The following EPS15 variants were observed in gnomAD, a reference collection of about 807,000 sequenced individuals.
The protein encoded by EPS15 is epidermal growth factor receptor substrate 15.
In EPS15, 72 loss-of-function variants were observed where a neutral mutation model predicts 113.8. The observed-to-expected ratio is 0.63, with a 90% CI of 0.52 to 0.77. The LOEUF (loss-of-function observed/expected upper bound fraction) is 0.77. EPS15 is among the 30% of genes least tolerant of loss of function. The pLI is 0.00. For synonymous variants in EPS15, 344 were observed against 363.4 expected (o/e 0.95, Z 0.61); for missense variants, 1,048 against 1,045.8 (o/e 1.00, Z -0.03).
intron 8 of EPS15, 49 bp downstream of exon 8, chr1:51,461,042 G>T: frequency 1.6e-6 from 2 of 1,229,978 alleles, no homozygotes; most frequent in Non-Finnish European, 2.4e-6. Context: ...ATTTGCACAT[G>T]AGAAAATCAT....
At chr1:51,418,411 C>T (rs1650439077) in intron 13 of EPS15, among the ~76,000 whole-genome samples, 1 of 151,908 alleles carries the variant, frequency 6.6e-6, no homozygotes, top group Non-Finnish European at 1.5e-5. Context: ...CAGATTTGGC[C>T]TTAAGATTAT....
intron 13 of EPS15, among the ~76,000 whole-genome samples, chr1:51,418,062 T>C (rs1259745888): frequency 3.9e-5 from 6 of 152,004 alleles, no homozygotes; most frequent in Non-Finnish European, 7.4e-5. Context: ...GTGGCAGTAG[T>C]GAGAAAGAAA....
chr1:51,424,131 G>GTA (rs1373024467), intron 12 of EPS15, among the ~76,000 whole-genome samples: 1 of 151,954 alleles, frequency 6.6e-6, no homozygotes, highest in Non-Finnish European at 1.5e-5. Flanking sequence ...CAACCAAGTA[G>GTA]TATAACATAT....
At chr1:51,357,797 T>G (rs1463452279) in intron 24 of EPS15, among the ~76,000 whole-genome samples, 1 of 151,098 alleles carries the variant, frequency 6.6e-6, no homozygotes. Flanking sequence ...CTGGGTGCTA[T>G]GGAGCAATCT....
chr1:51,402,542 A>C lies in EPS15; in HGVS notation c.1792-17T>G. On this transcript the variant is annotated splice_polypyrimidine_tract_variant and intron_variant, in intron 17 of 24. Coordinates refer to ENST00000371733, the MANE Select transcript of EPS15 (RefSeq NM_001981.3). ...TGGATCTTCCTAAAAATAATTTTAA[A>C]TTAAAATTATTTTTTAGAAACCAAA... 4.6e-6 allele frequency: 6 copies of C among 1,313,552 alleles called. No individual in the cohort carries two copies. The highest frequency in any genetic ancestry group is 6.4e-6 in the Non-Finnish European group (6 of 940,104). The allele number at this position is 1,313,552 out of a possible 1,614,324, so 81.4% of individuals were successfully genotyped here. A position where few individuals can be genotyped will look rare whatever the true frequency, so the allele number is the denominator to read the frequency against.
At chr1:51,492,540 A>G (rs1231892697) in intron 1 of EPS15, among the ~76,000 whole-genome samples, 4 of 152,240 alleles carry the variant, frequency 2.6e-5, no homozygotes, top group South Asian at 2.1e-4. Context: ...TGTAAAGACC[A>G]TATCACCAAC....
chr1:51,515,508 C>G (rs1644699529), intron 1 of EPS15, among the ~76,000 whole-genome samples: 1 of 151,770 alleles, frequency 6.6e-6, no homozygotes, highest in African/African-American at 2.4e-5. Flanking sequence ...TCTTGCTAAA[C>G]TAAAGCAAGA....
chr1:51,429,649 T>G (rs937297381), intron 12 of EPS15, among the ~76,000 whole-genome samples: 5 of 151,264 alleles, frequency 3.3e-5, no homozygotes, highest in African/African-American at 7.3e-5. Flanking sequence ...GTTGGTTTTT[T>G]TTTTTTTTTT....
intron 1 of EPS15, among the ~76,000 whole-genome samples, chr1:51,510,653 GGGA>G (rs1644603273): frequency 6.6e-6 from 1 of 152,066 alleles, no homozygotes; most frequent in South Asian, 2.1e-4. Flanking sequence ...AGCCGGAAGA[GGGA>G]GGAGATCACA....
At chr1:51,515,785 G>C (rs931010290) in intron 1 of EPS15, among the ~76,000 whole-genome samples, 2 of 152,202 alleles carry the variant, frequency 1.3e-5, no homozygotes, top group African/African-American at 4.8e-5. Context: ...AGTACATAGA[G>C]AAGAACAGTG....
intron 12 of EPS15, among the ~76,000 whole-genome samples, chr1:51,426,958 G>A (rs1371928644): frequency 1.3e-5 from 2 of 149,928 alleles, no homozygotes; most frequent in Non-Finnish European, 1.5e-5. Flanking sequence ...CCTCCTTCCC[G>A]CCCACTTATA....
chr1:51,425,035 C>G (rs1651085998), intron 12 of EPS15, among the ~76,000 whole-genome samples: 1 of 152,146 alleles, frequency 6.6e-6, no homozygotes. Flanking sequence ...TGAAATGATC[C>G]TACTCATCCT....
chr1:51,489,833 C>G (rs1057284261), intron 1 of EPS15, among the ~76,000 whole-genome samples: 3 of 152,152 alleles, frequency 2.0e-5, no homozygotes, highest in Admixed American at 2.0e-4. Flanking sequence ...TGTTTTCTCT[C>G]TACCAAGAGA....
intron 1 of EPS15, among the ~76,000 whole-genome samples, chr1:51,484,431 A>T: frequency 6.6e-6 from 1 of 151,490 alleles, no homozygotes; most frequent in Admixed American, 6.6e-5. Flanking sequence ...AAATTAAATT[A>T]AATTTTAAAT....
chr1:51,463,880 ATAGAC>A, intron 6 of EPS15, 82 bp from the exon 7 acceptor site: 1 of 732,590 alleles, frequency 1.4e-6, no homozygotes, highest in Non-Finnish European at 2.2e-6. Flanking sequence ...TCCTTAAAGA[ATAGAC>A]TACATATGTT....
intron 17 of EPS15, 77 bp from the exon 18 acceptor site, chr1:51,402,602 C>T (rs1269245650): frequency 1.3e-5 from 10 of 775,058 alleles, no homozygotes; most frequent in Admixed American, 2.3e-5. Context: ...TAAAATAACA[C>T]ACATTCAGGT....
rs139846034 is a variant in EPS15, at chr1:51,447,158, G to A, written c.652-53C>T. ...CTGCCAAAATGAAACAAACTTTGAA[G>A]TGTCACTCTTTCAATCCATTACAAT... On this transcript the variant is annotated intron_variant, in intron 9 of 24. Transcript: ENST00000371733. 1,152 of 1,496,454 alleles carry A rather than the reference G, an allele frequency of 7.7e-4. 5 individuals are homozygous for A. The Middle Eastern group carries it at 0.016, about 21-fold the overall frequency. 92.7% of individuals were successfully genotyped at this position (1,496,454 alleles called of 1,614,324 possible).
intron 8 of EPS15, among the ~76,000 whole-genome samples, chr1:51,450,244 G>A (rs1056468654): frequency 1.3e-5 from 2 of 151,714 alleles, no homozygotes; most frequent in African/African-American, 4.9e-5. Context: ...CCACACTGGG[G>A]GGGGCTGTAT....
At chr1:51,489,113 T>C (rs1644180596) in intron 1 of EPS15, among the ~76,000 whole-genome samples, 1 of 151,508 alleles carries the variant, frequency 6.6e-6, no homozygotes, top group Non-Finnish European at 1.5e-5. Flanking sequence ...TTTGTGATTT[T>C]GGTTTAAACC....
Sources: allele counts gnomAD v4.1 joint callset (sites outside exome capture counted in the v4.1 genomes callset), GRCh38; gene constraint gnomAD v4.1.1; transcripts MANE v1.5; gene names NCBI Gene and HGNC (gene_info 2026-07-23, HGNC 2026-07-21).